Variants in FAM117B observed in about 807,000 individuals in gnomAD.
FAM117B encodes family with sequence similarity 117 member B.
Under a neutral mutation model 52.8 loss-of-function variants are expected in FAM117B, and 22 were observed. The observed-to-expected ratio is 0.42, with a 90% CI of 0.30 to 0.59. The LOEUF (loss-of-function observed/expected upper bound fraction) is 0.59. Ranked by LOEUF, FAM117B falls within the 20% of genes least tolerant of loss-of-function variation. The pLI is 0.22. For missense variants in FAM117B, 678 were observed against 802.6 expected (o/e 0.84, Z 1.88); for synonymous variants, 309 against 324.1 (o/e 0.95, Z 0.50).
At chr2:202,744,058 C>A (rs1691592102) in intron 4 of FAM117B, among the ~76,000 whole-genome samples, 1 of 152,204 alleles carries the variant, frequency 6.6e-6, no homozygotes, top group East Asian at 1.9e-4. Flanking sequence ...AAAAGGTCTT[C>A]TCCAAGTCAT....
chr2:202,654,462 T>C (rs1455942673), intron 1 of FAM117B, among the ~76,000 whole-genome samples: 4 of 152,182 alleles, frequency 2.6e-5, no homozygotes, highest in Non-Finnish European at 4.4e-5. Flanking sequence ...ATTGAGTAGT[T>C]TTAATGTCTT....
At chr2:202,695,489 CA>C (rs2105776488) in intron 1 of FAM117B, among the ~76,000 whole-genome samples, 1 of 152,258 alleles carries the variant, frequency 6.6e-6, no homozygotes, top group Non-Finnish European at 1.5e-5. Context: ...GGAGCCCTCT[CA>C]ATCGTTGGAT....
At chr2:202,742,263 TATGAGGGCAGCTAGCGTTACCAG>T (rs1203076345) in intron 4 of FAM117B, among the ~76,000 whole-genome samples, 2 of 152,146 alleles carry the variant, frequency 1.3e-5, no homozygotes, top group Non-Finnish European at 2.9e-5. Flanking sequence ...AAGGAAAAAC[TATGAGGGCAGCTAGCGTTACCAG>T]ATGTCAAAAC....
chr2:202,740,380 AG>A (rs1365203990), intron 4 of FAM117B, among the ~76,000 whole-genome samples: 10 of 149,774 alleles, frequency 6.7e-5, no homozygotes, highest in Non-Finnish European at 1.3e-4. Flanking sequence ...AAAAAAAAAA[AG>A]TATTTAATTT....
At chr2:202,735,857 A>C (rs1390172095) in intron 4 of FAM117B, among the ~76,000 whole-genome samples, 1 of 152,176 alleles carries the variant, frequency 6.6e-6, no homozygotes, top group African/African-American at 2.4e-5. Context: ...ATATATATAC[A>C]TGTGTCATGT....
intron 1 of FAM117B, among the ~76,000 whole-genome samples, chr2:202,691,680 TGTGTGTGTGTGTGTGTGTGC>T (rs1219040838): frequency 7.3e-5 from 11 of 150,472 alleles, no homozygotes; most frequent in African/African-American, 4.9e-5. Context: ...TGTGTGTGTG[TGTGTGTGTGTGTGTGTGTGC>T]GCGCGCGCCT....
intron 1 of FAM117B, among the ~76,000 whole-genome samples, chr2:202,653,597 G>A (rs1286757565): frequency 3.3e-5 from 5 of 152,048 alleles, no homozygotes; most frequent in Non-Finnish European, 5.9e-5. Flanking sequence ...GTCTATCACT[G>A]GATTTTGTCT....
intron 1 of FAM117B, among the ~76,000 whole-genome samples, chr2:202,654,041 G>T (rs1410996318): frequency 2.0e-5 from 3 of 150,854 alleles, no homozygotes; most frequent in Non-Finnish European, 4.4e-5. Context: ...TGGCCTGGAG[G>T]GGGTGCGGGA....
chr2:202,722,467 T>C (rs1255716271), intron 2 of FAM117B, among the ~76,000 whole-genome samples: 1 of 152,150 alleles, frequency 6.6e-6, no homozygotes, highest in Non-Finnish European at 1.5e-5. Flanking sequence ...GTGGTGCATA[T>C]ACACCATGGA....
At chr2:202,684,795 T>A (rs1432817730) in intron 1 of FAM117B, among the ~76,000 whole-genome samples, 1 of 152,172 alleles carries the variant, frequency 6.6e-6, no homozygotes. Context: ...GATTGGTTGA[T>A]GAAAGTGTTG....
chr2:202,647,064 A>T (rs2105754591), intron 1 of FAM117B, among the ~76,000 whole-genome samples: 1 of 152,290 alleles, frequency 6.6e-6, no homozygotes, highest in East Asian at 1.9e-4. Flanking sequence ...TTAAAAACTT[A>T]TAAGGCAACC....
intron 2 of FAM117B, among the ~76,000 whole-genome samples, chr2:202,711,461 A>G (rs964263522): frequency 3.9e-4 from 59 of 152,246 alleles, no homozygotes; most frequent in African/African-American, 1.4e-3. Context: ...TGTTGGATGG[A>G]TAATTTGCAA....
At chr2:202,757,169 A>T in intron 5 of FAM117B, 44 bp from the exon 6 acceptor site, 1 of 1,570,230 alleles carries the variant, frequency 6.4e-7, no homozygotes, top group Non-Finnish European at 8.7e-7. Context: ...TGGTGATTCG[A>T]AATTAATTAT....
chr2:202,652,052 TAA>T (rs1227648534), intron 1 of FAM117B, among the ~76,000 whole-genome samples: 56 of 98,610 alleles, frequency 5.7e-4, no homozygotes, highest in African/African-American at 1.5e-3. Flanking sequence ...AAACTCTGTC[TAA>T]AAAAAAAAAA....
rs773785608 is a variant in FAM117B at position 202,755,544 on chromosome 2, G to T, written c.967G>T (p.Val323Phe). The change falls in exon 5 of 8, where the codon GTT (valine) becomes TTT (phenylalanine). Residue 323 changes from valine to phenylalanine, a missense_variant. Physicochemically the swap from Val to Phe is conservative, Grantham distance 50 (BLOSUM62 -1). This residue lies in a region of FAM117B where 583 missense variants were observed against 644.8 expected (regional missense o/e 0.90). Transcript: ENST00000392238. ...TCCATCCCATTTTCTTAAGGCTCCT[G>T]TTCCAAAGAGTGCACTTATTCCTGT... The part of the protein sequence containing the change: ...HAAINQCQAP[V>F]PKSALIPVIP... 3 of 1,613,896 alleles carry T rather than the reference G, an allele frequency of 1.9e-6. No individual in the cohort carries two copies. The highest frequency in any genetic ancestry group is 2.7e-5 in the African/African-American group (2 of 75,026).
At chr2:202,744,460 A>G (rs977303519) in intron 4 of FAM117B, among the ~76,000 whole-genome samples, 7 of 152,168 alleles carry the variant, frequency 4.6e-5, no homozygotes, top group African/African-American at 1.7e-4. Flanking sequence ...CCATGTCCCA[A>G]ACACTTCCCG....
intron 1 of FAM117B, among the ~76,000 whole-genome samples, chr2:202,650,909 C>T (rs936673570): frequency 9.2e-5 from 14 of 152,098 alleles, no homozygotes; most frequent in Non-Finnish European, 1.8e-4. Context: ...TCTCCCAATC[C>T]GCTGACTCAA....
intron 1 of FAM117B, among the ~76,000 whole-genome samples, chr2:202,669,712 A>G (rs924054404): frequency 6.6e-6 from 1 of 152,208 alleles, no homozygotes; most frequent in Non-Finnish European, 1.5e-5. Context: ...CAGAACAAAA[A>G]TATGGATGAG....
intron 2 of FAM117B, 54 bp from the exon 3 acceptor site, chr2:202,724,863 C>A: frequency 7.8e-7 from 1 of 1,280,470 alleles, no homozygotes; most frequent in Non-Finnish European, 1.1e-6. Context: ...ATATGGTAGA[C>A]ATTGTTGTGA....
Sources: allele counts gnomAD v4.1 joint callset (sites outside exome capture counted in the v4.1 genomes callset), GRCh38; gene constraint gnomAD v4.1.1; regional missense constraint gnomAD v4.1.1; transcripts MANE v1.5; gene names NCBI Gene and HGNC (gene_info 2026-07-23, HGNC 2026-07-21).